TENM2: variants seen among roughly 807,000 people sequenced by gnomAD.
The protein encoded by TENM2 is teneurin-2.
Under a neutral mutation model 245.2 loss-of-function variants are expected in TENM2, and 52 were observed. The ratio of observed to expected loss-of-function variants is 0.21; its 90% CI spans 0.17 to 0.27. The LOEUF (loss-of-function observed/expected upper bound fraction) is 0.27, where lower values mean the gene tolerates loss of function less well. Among genes scored for constraint, TENM2 ranks in the 10% least tolerant of loss-of-function variants. TENM2 has a pLI of 1.00. For missense variants in TENM2, 3,046 were observed against 3,666.8 expected (o/e 0.83, Z 4.37); for synonymous variants, 1,363 against 1,438.9 (o/e 0.95, Z 1.19).
chr5:167,974,908 T>C (rs1266017779), intron 4 of TENM2, among the ~76,000 whole-genome samples: 1 of 152,228 alleles, frequency 6.6e-6, no homozygotes, highest in African/African-American at 2.4e-5. Context: ...AATGCAGACA[T>C]TGCTTTGTTT....
chr5:167,409,692 C>T (rs1262995180), intron 2 of TENM2, among the ~76,000 whole-genome samples: 1 of 151,890 alleles, frequency 6.6e-6, no homozygotes, highest in Admixed American at 6.6e-5. Context: ...GCAAAGAAAG[C>T]ATGTTTAAGT....
chr5:167,357,405 C>A (rs2127253121), intron 1 of TENM2, among the ~76,000 whole-genome samples: 1 of 151,694 alleles, frequency 6.6e-6, no homozygotes, highest in Middle Eastern at 3.4e-3. Context: ...GCCTCAGCCT[C>A]CCGAGTAGCT....
chr5:167,903,818 G>T (rs1436863510), intron 3 of TENM2, among the ~76,000 whole-genome samples: 2 of 152,188 alleles, frequency 1.3e-5, no homozygotes, highest in African/African-American at 4.8e-5. Context: ...GCACATCAAT[G>T]TTGGCTAAGT....
chr5:167,956,998 G>A (rs1466220470), intron 4 of TENM2, among the ~76,000 whole-genome samples: 1 of 152,156 alleles, frequency 6.6e-6, no homozygotes, highest in African/African-American at 2.4e-5. Context: ...AAATGAGTTA[G>A]GGAGGAGTCC....
intron 2 of TENM2, among the ~76,000 whole-genome samples, chr5:167,556,929 T>A (rs1482509579): frequency 6.6e-6 from 1 of 152,220 alleles, no homozygotes; most frequent in African/African-American, 2.4e-5. Context: ...GTTAGCACAG[T>A]TTCTGAATTC....
chr5:167,185,228 C>T, the TENM2 span, among the ~76,000 whole-genome samples: 2 of 152,154 alleles, frequency 1.3e-5, no homozygotes, highest in East Asian at 1.9e-4. Context: ...GAGAGAAGGG[C>T]CATAATTAGG....
At chr5:167,250,476 T>C in the TENM2 span, among the ~76,000 whole-genome samples, 398 of 152,296 alleles carry the variant, frequency 2.6e-3, 1 homozygote, top group African/African-American at 9.2e-3. Flanking sequence ...CCTTTTTAAA[T>C]TTTTTCACGT....
chr5:167,095,766 T>G, the TENM2 span, among the ~76,000 whole-genome samples: 2 of 121,800 alleles, frequency 1.6e-5, no homozygotes, highest in Non-Finnish European at 3.4e-5. Flanking sequence ...AAGAAAGCCT[T>G]TCTTTTTTTT....
At chr5:167,523,419 A>G (rs1770896645) in intron 2 of TENM2, among the ~76,000 whole-genome samples, 1 of 152,146 alleles carries the variant, frequency 6.6e-6, no homozygotes, top group African/African-American at 2.4e-5. Context: ...CCCATTTTAA[A>G]GCAAAAGCTA....
At chr5:167,476,103 T>C (rs1273332322) in intron 2 of TENM2, among the ~76,000 whole-genome samples, 3 of 152,216 alleles carry the variant, frequency 2.0e-5, no homozygotes, top group Admixed American at 6.5e-5. Flanking sequence ...TTGAAGTATA[T>C]GAAGAAAATC....
the TENM2 span, among the ~76,000 whole-genome samples, chr5:167,062,558 A>G: frequency 8.5e-5 from 13 of 152,152 alleles, no homozygotes; most frequent in Non-Finnish European, 1.3e-4. Flanking sequence ...TAAGTATTGT[A>G]TAACTATTTT....
At chr5:168,013,918 G>A (rs1785460213) in intron 5 of TENM2, among the ~76,000 whole-genome samples, 1 of 152,150 alleles carries the variant, frequency 6.6e-6, no homozygotes, top group Non-Finnish European at 1.5e-5. Flanking sequence ...GGAGTTCTTT[G>A]GTTTGTGGCA....
At position 168,200,248 on chromosome 5, in the gene TENM2, T is replaced by C. The variant is rs370128671; in HGVS notation, c.3430+117T>C. The stretch of plus-strand genomic sequence containing the variant: ...ACCATTTCAGTAGATAAGGACACGA[T>C]GGCCAAGAAGACAGACAAGATTCCT... On this transcript the variant is annotated intron_variant, in intron 17 of 28. Transcript: ENST00000518659. 1.8e-4 allele frequency: 162 copies of C among 920,078 alleles called. 1 individual carries two copies. The African/African-American group carries it at 2.5e-3, about 14-fold the overall frequency. The allele number at this position is 920,078 out of a possible 1,614,324, so 57.0% of individuals were successfully genotyped here.
At chr5:167,999,387 T>C (rs1784270821) in intron 5 of TENM2, among the ~76,000 whole-genome samples, 1 of 152,248 alleles carries the variant, frequency 6.6e-6, no homozygotes, top group Non-Finnish European at 1.5e-5. Flanking sequence ...AGACTTCTTA[T>C]CTAATAGATA....
At chr5:167,691,546 TC>T (rs1398061632) in intron 2 of TENM2, among the ~76,000 whole-genome samples, 3 of 152,220 alleles carry the variant, frequency 2.0e-5, no homozygotes, top group Non-Finnish European at 4.4e-5. Flanking sequence ...TTCCCTTATA[TC>T]CCATTTCTCC....
At chr5:168,216,381 A>G (rs994479214) in intron 21 of TENM2, among the ~76,000 whole-genome samples, 4 of 152,250 alleles carry the variant, frequency 2.6e-5, no homozygotes, top group African/African-American at 9.6e-5. Flanking sequence ...TGTGAAGTAT[A>G]TTCAAGTAAC....
chr5:167,293,081 A>G (rs955602775), intron 1 of TENM2, among the ~76,000 whole-genome samples: 3 of 152,174 alleles, frequency 2.0e-5, no homozygotes, highest in African/African-American at 7.2e-5. Flanking sequence ...TTGTGGAGAG[A>G]GGAAAGATGG....
At chr5:168,107,625 T>C (rs1383979381) in intron 9 of TENM2, among the ~76,000 whole-genome samples, 1 of 152,066 alleles carries the variant, frequency 6.6e-6, no homozygotes, top group African/African-American at 2.4e-5. Flanking sequence ...CTTAGAATGA[T>C]GTCCAAGGTC....
At chr5:167,905,217 C>T (rs575661765) in intron 3 of TENM2, among the ~76,000 whole-genome samples, 22 of 152,072 alleles carry the variant, frequency 1.4e-4, no homozygotes, top group East Asian at 5.8e-4. Flanking sequence ...TTCCATTTCC[C>T]GACAGTTCGG....
Sources: gnomAD v4.1 joint callset for allele counts (sites outside exome capture counted in the v4.1 genomes callset) on GRCh38, gnomAD v4.1.1 for gene constraint, MANE v1.5 for transcripts, NCBI Gene and HGNC (gene_info 2026-07-23, HGNC 2026-07-21) for gene names.